Variants in ENOX1 observed in about 807,000 individuals in gnomAD.
ENOX1 encodes candidate growth-related and time keeping constitutive hydroquinone (NADH) oxidase.
In ENOX1, 42 loss-of-function variants were observed where a neutral mutation model predicts 82.5. The ratio of observed to expected loss-of-function variants is 0.51; its 90% CI spans 0.40 to 0.66. The LOEUF (loss-of-function observed/expected upper bound fraction) is 0.66. Ranked by LOEUF, ENOX1 falls within the 30% of genes least tolerant of loss-of-function variation. The pLI is 0.00. For missense variants in ENOX1, 608 were observed against 811.6 expected (o/e 0.75, Z 3.05); for synonymous variants, 271 against 282.2 (o/e 0.96, Z 0.40).
chr13:43,528,337 G>A (rs546893007), intron 2 of ENOX1, among the ~76,000 whole-genome samples: 79 of 152,172 alleles, frequency 5.2e-4, no homozygotes, highest in African/African-American at 1.9e-3. Flanking sequence ...ACATAGGACT[G>A]TTGTCTTACC....
At chr13:43,557,846 C>CA (rs983797004) in intron 2 of ENOX1, among the ~76,000 whole-genome samples, 6 of 151,532 alleles carry the variant, frequency 4.0e-5, no homozygotes, top group African/African-American at 4.9e-5. Flanking sequence ...GTTGTAAGTA[C>CA]AAAAAAAACC....
At chr13:43,421,393 T>C (rs1341039943) in intron 3 of ENOX1, among the ~76,000 whole-genome samples, 1 of 152,206 alleles carries the variant, frequency 6.6e-6, no homozygotes, top group African/African-American at 2.4e-5. Context: ...GAAAGCACTG[T>C]GCATTCAGTA....
chr13:43,742,798 T>C (rs907945053), intron 1 of ENOX1, among the ~76,000 whole-genome samples: 7 of 152,192 alleles, frequency 4.6e-5, no homozygotes, highest in Non-Finnish European at 7.3e-5. Flanking sequence ...AGAGACTGGA[T>C]GTAGGTGTGA....
intron 2 of ENOX1, among the ~76,000 whole-genome samples, chr13:43,558,052 G>A (rs779789697): frequency 6.6e-6 from 1 of 152,174 alleles, no homozygotes. Flanking sequence ...CCATCCATGA[G>A]AGCTGCACCA....
chr13:43,486,816 G>A (rs2076438880), intron 2 of ENOX1, among the ~76,000 whole-genome samples: 1 of 152,200 alleles, frequency 6.6e-6, no homozygotes, highest in Admixed American at 6.5e-5. Flanking sequence ...CGAGGATTAA[G>A]TAAGAGAAGC....
chr13:43,690,533 C>T (rs1002530116), intron 1 of ENOX1, among the ~76,000 whole-genome samples: 3 of 152,098 alleles, frequency 2.0e-5, no homozygotes, highest in African/African-American at 7.2e-5. Context: ...TACTCGTCTT[C>T]ACATTGTAAC....
intron 2 of ENOX1, among the ~76,000 whole-genome samples, chr13:43,552,360 A>AG (rs970998643): frequency 3.3e-5 from 5 of 151,844 alleles, no homozygotes; most frequent in South Asian, 4.2e-4. Context: ...AAAAAAAAAA[A>AG]AAAGAAAACA....
intron 2 of ENOX1, among the ~76,000 whole-genome samples, chr13:43,518,249 G>A (rs535544520): frequency 2.6e-5 from 4 of 152,056 alleles, no homozygotes; most frequent in African/African-American, 9.6e-5. Context: ...GAAGTGTGTT[G>A]TGAGAACAGA....
chr13:43,426,138 C>T (rs1209283719), intron 3 of ENOX1, among the ~76,000 whole-genome samples: 1 of 152,182 alleles, frequency 6.6e-6, no homozygotes, highest in Non-Finnish European at 1.5e-5. Context: ...TACTTCCTCT[C>T]AAATTTGCCA....
intron 14 of ENOX1, among the ~76,000 whole-genome samples, chr13:43,242,627 T>C (rs2042893383): frequency 6.6e-6 from 1 of 152,224 alleles, no homozygotes; most frequent in African/African-American, 2.4e-5. Flanking sequence ...CCAGGTGACC[T>C]TGGCAAATTA....
intron 11 of ENOX1, among the ~76,000 whole-genome samples, chr13:43,299,368 G>T (rs923536356): frequency 6.6e-6 from 1 of 151,958 alleles, no homozygotes; most frequent in African/African-American, 2.4e-5. Flanking sequence ...ATTGCTTAGG[G>T]GTCTCTCCGA....
intron 2 of ENOX1, among the ~76,000 whole-genome samples, chr13:43,510,145 A>G (rs1016813537): frequency 6.6e-6 from 1 of 152,018 alleles, no homozygotes; most frequent in Non-Finnish European, 1.5e-5. Context: ...ATATTATAGG[A>G]CTTTCTTGGT....
intron 2 of ENOX1, among the ~76,000 whole-genome samples, chr13:43,555,003 A>C (rs1284358179): frequency 6.6e-6 from 1 of 152,220 alleles, no homozygotes; most frequent in African/African-American, 2.4e-5. Context: ...CTAAAAATAC[A>C]AAGTAGCTTT....
chr13:43,378,254 A>G (rs2051781768), intron 5 of ENOX1, among the ~76,000 whole-genome samples: 1 of 152,260 alleles, frequency 6.6e-6, no homozygotes. Context: ...CACAGGGAAG[A>G]GGAACTCTGG....
At chr13:43,549,834 A>G (rs2079115314) in intron 2 of ENOX1, among the ~76,000 whole-genome samples, 1 of 152,208 alleles carries the variant, frequency 6.6e-6, no homozygotes, top group Admixed American at 6.5e-5. Context: ...CCTGTGATCA[A>G]GGCCTTAAAA....
intron 14 of ENOX1, among the ~76,000 whole-genome samples, chr13:43,243,576 C>T (rs1373749901): frequency 6.6e-6 from 1 of 152,238 alleles, no homozygotes; most frequent in African/African-American, 2.4e-5. Context: ...GCATGAGCCA[C>T]TGCACCTGGC....
chr13:43,734,499 T>G (rs1324130096), intron 1 of ENOX1, among the ~76,000 whole-genome samples: 1 of 152,214 alleles, frequency 6.6e-6, no homozygotes, highest in African/African-American at 2.4e-5. Flanking sequence ...AAAGTATCTT[T>G]GAAAACTGCT....
At chr13:43,424,184 C>T (rs1163071868) in intron 3 of ENOX1, among the ~76,000 whole-genome samples, 2 of 152,238 alleles carry the variant, frequency 1.3e-5, no homozygotes, top group Non-Finnish European at 2.9e-5. Context: ...CACTGATACA[C>T]AGAAAGCAAT....
intron 1 of ENOX1, among the ~76,000 whole-genome samples, chr13:43,779,981 C>T (rs553685097): frequency 1.3e-5 from 2 of 152,082 alleles, no homozygotes; most frequent in African/African-American, 4.8e-5. Context: ...ACAGTGAAAC[C>T]CCATCTCTAC....
Sources: allele counts gnomAD v4.1 joint callset (sites outside exome capture counted in the v4.1 genomes callset), GRCh38; gene constraint gnomAD v4.1.1; transcripts MANE v1.5; gene names NCBI Gene and HGNC (gene_info 2026-07-23, HGNC 2026-07-21).